Variants in FOXP1 observed in about 807,000 individuals in gnomAD.
FOXP1 encodes the protein forkhead box P1.
In FOXP1, 15 loss-of-function variants were observed where a neutral mutation model predicts 98.2. The observed-to-expected ratio is 0.15, with a 90% CI of 0.10 to 0.24. The LOEUF (loss-of-function observed/expected upper bound fraction) is 0.24, where lower values mean the gene tolerates loss of function less well. FOXP1 is among the 10% of genes least tolerant of loss of function. The pLI is 1.00. For synonymous variants in FOXP1, 371 were observed against 314.5 expected (o/e 1.18, Z -1.90); for missense variants, 633 against 848.5 (o/e 0.75, Z 3.15).
At position 71,280,126 on chromosome 3, in the gene FOXP1, CA is replaced by C. The variant is rs56674677; in HGVS notation, c.-12+19693del. Among the ~76,000 whole-genome samples the C allele has an allele frequency of 4.5e-3, 481 of 106,188 alleles. 1 individual carries two copies. Among genetic ancestry groups the C allele is most frequent in the South Asian group, 6.0e-3 (18 of 3,010 alleles). 69.7% of individuals were successfully genotyped at this position (106,188 alleles called of 152,430 possible). A position where few individuals can be genotyped will look rare whatever the true frequency, so the allele number is the denominator to read the frequency against. ...CAACAGAGTGAGACTCTGTCTCAAA[CA>C]AAAAAAAAAAAAAAAAAAAAAATAG... On this transcript the variant is annotated intron_variant, in intron 5 of 20. Coordinates refer to ENST00000649528, the MANE Select transcript of FOXP1 (RefSeq NM_001349338.3).
chr3:71,046,383 T>A (rs563636224), intron 10 of FOXP1, among the ~76,000 whole-genome samples: 1 of 152,022 alleles, frequency 6.6e-6, no homozygotes, highest in Non-Finnish European at 1.5e-5. Flanking sequence ...TAGAACTAAT[T>A]TGCTCAAAAA....
intron 4 of FOXP1, among the ~76,000 whole-genome samples, chr3:71,311,883 TAA>T (rs1421926988): frequency 2.0e-5 from 3 of 152,192 alleles, no homozygotes; most frequent in Non-Finnish European, 4.4e-5. Flanking sequence ...CCTCTCTTCC[TAA>T]ATTCCCTGAT....
chr3:71,465,486 G>A (rs192820703), intron 3 of FOXP1, among the ~76,000 whole-genome samples: 3 of 152,104 alleles, frequency 2.0e-5, no homozygotes, highest in African/African-American at 7.2e-5. Flanking sequence ...CAGCCAGGAC[G>A]TGGTCTAACC....
At chr3:71,380,564 A>G (rs937988385) in intron 3 of FOXP1, among the ~76,000 whole-genome samples, 2 of 152,232 alleles carry the variant, frequency 1.3e-5, no homozygotes, top group East Asian at 1.9e-4. Context: ...ATTGAGCACG[A>G]AACATTTTCG....
intron 6 of FOXP1, among the ~76,000 whole-genome samples, chr3:71,115,941 C>T (rs575150840): frequency 2.4e-4 from 37 of 151,756 alleles, no homozygotes; most frequent in African/African-American, 7.2e-4. Flanking sequence ...TTTGCCACGT[C>T]GGCCGGGCTA....
intron 6 of FOXP1, among the ~76,000 whole-genome samples, chr3:71,121,048 T>C (rs1233050449): frequency 1.3e-5 from 2 of 151,582 alleles, no homozygotes; most frequent in African/African-American, 4.8e-5. Flanking sequence ...TCTTTCTTTT[T>C]TTTTTTTTTA....
At position 71,461,124 on chromosome 3, in the gene FOXP1, T is replaced by C. The variant is rs2088052753; in HGVS notation, c.-168+32302A>G. ...GAAGTTAAAAAGACTTTGTCCATTC[T>C]TGAGTTTCATCAGTACGAGCTATAA... On this transcript the variant is annotated intron_variant, in intron 3 of 20. Transcript: ENST00000649528. Among the ~76,000 whole-genome samples, 4 of 152,240 alleles carry C rather than the reference T, an allele frequency of 2.6e-5. No homozygotes were observed. In the South Asian group the frequency reaches 8.3e-4, roughly 32 times the overall value.
At chr3:71,450,448 G>T (rs902402107) in intron 3 of FOXP1, among the ~76,000 whole-genome samples, 7 of 152,168 alleles carry the variant, frequency 4.6e-5, no homozygotes, top group Admixed American at 1.3e-4. Context: ...CAGAAATTTT[G>T]ATCTCAGCTG....
intron 4 of FOXP1, among the ~76,000 whole-genome samples, chr3:71,355,390 G>A (rs2078085030): frequency 2.0e-5 from 3 of 152,138 alleles, no homozygotes; most frequent in Admixed American, 2.0e-4. Flanking sequence ...ACAAACAAGA[G>A]GTTTGGATCA....
intron 3 of FOXP1, among the ~76,000 whole-genome samples, chr3:71,368,230 T>C (rs1577161999): frequency 6.6e-6 from 1 of 152,310 alleles, no homozygotes; most frequent in Non-Finnish European, 1.5e-5. Context: ...GTTCAAAGGA[T>C]TCTCCTGCCT....
At chr3:71,383,955 C>T (rs761581382) in intron 3 of FOXP1, among the ~76,000 whole-genome samples, 1 of 152,140 alleles carries the variant, frequency 6.6e-6, no homozygotes, top group Non-Finnish European at 1.5e-5. Context: ...CGGTGGCTCA[C>T]GCCTGTAATC....
intron 4 of FOXP1, among the ~76,000 whole-genome samples, chr3:71,308,952 T>C (rs1215898165): frequency 3.3e-5 from 5 of 152,106 alleles, no homozygotes; most frequent in Non-Finnish European, 5.9e-5. Flanking sequence ...GGAATAAATA[T>C]AAATTTCAAT....
intron 3 of FOXP1, among the ~76,000 whole-genome samples, chr3:71,470,145 A>G (rs13068463): frequency 0.045 from 6,914 of 152,246 alleles, 190 homozygotes; most frequent in Non-Finnish European, 0.051. Flanking sequence ...GTCCTTTGGA[A>G]AGAAGTTCTA....
At chr3:71,411,393 C>A (rs149802928) in intron 3 of FOXP1, among the ~76,000 whole-genome samples, 10 of 151,986 alleles carry the variant, frequency 6.6e-5, no homozygotes, top group Admixed American at 6.6e-4. Context: ...GGGCTCACTG[C>A]AAGCTCCGCC....
chr3:71,263,750 T>G (rs1384172484), intron 5 of FOXP1, among the ~76,000 whole-genome samples: 1 of 152,024 alleles, frequency 6.6e-6, no homozygotes, highest in Non-Finnish European at 1.5e-5. Context: ...TTCCTTTTTT[T>G]TTTTCTCTTC....
At chr3:71,069,930 C>T (rs1039022725) in intron 7 of FOXP1, among the ~76,000 whole-genome samples, 3 of 152,250 alleles carry the variant, frequency 2.0e-5, no homozygotes, top group Admixed American at 1.3e-4. Flanking sequence ...GCAAAGGGAG[C>T]GTGTCCCATC....
intron 2 of FOXP1, among the ~76,000 whole-genome samples, chr3:71,506,567 C>A (rs983731639): frequency 1.3e-5 from 2 of 152,220 alleles, no homozygotes; most frequent in Non-Finnish European, 1.5e-5. Flanking sequence ...GCAGCTACTA[C>A]GTCTGCCCTT....
chr3:71,294,146 T>C (rs1231661908), intron 5 of FOXP1, among the ~76,000 whole-genome samples: 1 of 152,336 alleles, frequency 6.6e-6, no homozygotes, highest in Non-Finnish European at 1.5e-5. Context: ...TAATAGTTAC[T>C]AGGGTTTTTT....
At chr3:71,296,454 G>A (rs1946330365) in intron 5 of FOXP1, 1 of 152,054 alleles carries the variant, frequency 6.6e-6, no homozygotes, top group Non-Finnish European at 1.5e-5. Flanking sequence ...TTCTAGATAA[G>A]AGATCAAGAT....
Sources: gnomAD v4.1 joint callset for allele counts (sites outside exome capture counted in the v4.1 genomes callset) on GRCh38, gnomAD v4.1.1 for gene constraint, MANE v1.5 for transcripts, NCBI Gene and HGNC (gene_info 2026-07-23, HGNC 2026-07-21) for gene names.